The following LRRN3 variants were observed in gnomAD, a reference collection of about 807,000 sequenced individuals.
The protein encoded by LRRN3 is leucine rich repeat neuronal 3, also known as leucine-rich repeat neuronal protein 3.
In LRRN3, 15 loss-of-function variants were observed where a neutral mutation model predicts 40.1. The ratio of observed to expected loss-of-function variants is 0.37; its 90% CI spans 0.25 to 0.58. The LOEUF is 0.58. LRRN3 is among the 20% of genes least tolerant of loss of function. LRRN3 has a pLI of 0.72. For missense variants in LRRN3, 746 were observed against 837.7 expected (o/e 0.89, Z 1.35); for synonymous variants, 308 against 297.2 (o/e 1.04, Z -0.37).
chr7:111,105,274 G>T (rs933563663), intron 2 of LRRN3, among the ~76,000 whole-genome samples: 1 of 151,818 alleles, frequency 6.6e-6, no homozygotes, highest in African/African-American at 2.4e-5. Flanking sequence ...CCTTCATTTT[G>T]CAACAACCTT....
At chr7:111,116,971 G>A (rs907648934) in intron 2 of LRRN3, among the ~76,000 whole-genome samples, 8 of 152,112 alleles carry the variant, frequency 5.3e-5, no homozygotes, top group Non-Finnish European at 1.0e-4. Context: ...TGCTCTAATC[G>A]AGGCAATTTA....
intron 2 of LRRN3, among the ~76,000 whole-genome samples, chr7:111,106,623 G>A (rs927204169): frequency 8.0e-5 from 12 of 150,086 alleles, no homozygotes; most frequent in African/African-American, 2.2e-4. Context: ...AAGTATGGCT[G>A]CTAAGAGATG....
rs750950439 is a variant in LRRN3 at position 111,124,978 on chromosome 7, AAAAC to A, written c.*95_*98del. The A allele has an allele frequency of 2.3e-4, 231 of 1,026,568 alleles. No homozygotes were observed. Among genetic ancestry groups the A allele is most frequent in the African/African-American group, 3.6e-4 (22 of 61,068 alleles). 63.6% of individuals were successfully genotyped at this position (1,026,568 alleles called of 1,614,324 possible). Reference sequence around the variant, plus strand: ...ACTGCAGTTGTGCTAAAAACAAAACAAAACAAACAAACAAACAAAAAAGTAAAAA... The same window carrying A: ...ACTGCAGTTGTGCTAAAAACAAAACAAAACAAACAAACAAAAAAGTAAAAA... On this transcript the variant is annotated 3_prime_UTR_variant, in exon 3 of 3. Coordinates refer to ENST00000308478, the MANE Select transcript of LRRN3 (RefSeq NM_001099658.2).
chr7:111,092,280 T>C (rs1278768991), intron 1 of LRRN3, among the ~76,000 whole-genome samples: 3 of 152,338 alleles, frequency 2.0e-5, no homozygotes, highest in South Asian at 2.1e-4. Flanking sequence ...TAATCTTTGG[T>C]AATTAACAGG....
At chr7:111,094,425 A>T (rs2129578381) in intron 1 of LRRN3, among the ~76,000 whole-genome samples, 1 of 152,254 alleles carries the variant, frequency 6.6e-6, no homozygotes, top group South Asian at 2.1e-4. Context: ...GATTTAAAAT[A>T]ATGTGGCTCC....
At chr7:111,116,192 G>A (rs1412292478) in intron 2 of LRRN3, among the ~76,000 whole-genome samples, 1 of 152,138 alleles carries the variant, frequency 6.6e-6, no homozygotes, top group Non-Finnish European at 1.5e-5. Context: ...ACTCATCTGA[G>A]CCCTATATCC....
intron 2 of LRRN3, among the ~76,000 whole-genome samples, chr7:111,100,522 G>A (rs1797860098): frequency 6.7e-6 from 1 of 148,784 alleles, no homozygotes; most frequent in Non-Finnish European, 1.5e-5. Flanking sequence ...TTACCACATG[G>A]TACAACCTGA....
chr7:111,123,799 A>T lies in LRRN3; in HGVS notation c.1027A>T (p.Ser343Cys), dbSNP rs1291784279. 8 of 1,614,052 alleles carry T rather than the reference A, an allele frequency of 5.0e-6. No homozygotes were observed. The highest frequency in any genetic ancestry group is 6.8e-6 in the Non-Finnish European group (8 of 1,179,990). Reference protein sequence around the residue: ...LPKLESLMLNSNALSALYHGT... With the variant: ...LPKLESLMLNCNALSALYHGT... ...CAAGCTGGAATCACTCATGCTGAAC[A>T]GCAATGCTCTCAGTGCCCTGTACCA... Residue 343 changes from serine to cysteine, a missense_variant, in exon 3 of 3, where the codon AGC becomes TGC. By Grantham distance (112) the Ser-to-Cys change is moderately radical (BLOSUM62 -1). Transcript: ENST00000308478. The surrounding 1 kb of genome is among the most constrained non-coding windows in gnomAD (Gnocchi z 6.4).
At chr7:111,097,286 C>A (rs899206646) in intron 1 of LRRN3, 1 of 151,958 alleles carries the variant, frequency 6.6e-6, no homozygotes, top group Non-Finnish European at 1.5e-5. Context: ...ATTAAGCCCC[C>A]TAACGTGAAG....
chr7:111,120,234 G>A (rs1484674650), intron 2 of LRRN3, among the ~76,000 whole-genome samples: 1 of 152,066 alleles, frequency 6.6e-6, no homozygotes, highest in Non-Finnish European at 1.5e-5. Context: ...TGCTAATAGA[G>A]ACATATCCAA....
chr7:111,121,709 A>G (rs1169830434), intron 2 of LRRN3, among the ~76,000 whole-genome samples: 1 of 152,144 alleles, frequency 6.6e-6, no homozygotes, highest in Non-Finnish European at 1.5e-5. Flanking sequence ...ATACCATTTG[A>G]CCCAGCCAAC....
intron 2 of LRRN3, among the ~76,000 whole-genome samples, chr7:111,120,500 G>C (rs952258555): frequency 1.3e-5 from 2 of 152,070 alleles, no homozygotes; most frequent in African/African-American, 4.8e-5. Context: ...CAACACATGG[G>C]AATTATCGGA....
intron 1 of LRRN3, among the ~76,000 whole-genome samples, chr7:111,099,117 TATC>T (rs1228198791): frequency 6.6e-6 from 1 of 151,714 alleles, no homozygotes; most frequent in Admixed American, 6.6e-5. Flanking sequence ...TAACTTCCTC[TATC>T]ATCATTTTTC....
At chr7:111,109,635 T>C (rs1798958700) in intron 2 of LRRN3, among the ~76,000 whole-genome samples, 1 of 152,168 alleles carries the variant, frequency 6.6e-6, no homozygotes, top group African/African-American at 2.4e-5. Context: ...CACCACCTCA[T>C]GAAATCTCTC....
At chr7:111,108,012 G>A (rs1346285333) in intron 2 of LRRN3, among the ~76,000 whole-genome samples, 2 of 152,050 alleles carry the variant, frequency 1.3e-5, no homozygotes, top group Non-Finnish European at 2.9e-5. Context: ...TCTTAACCGA[G>A]TATATATGGC....
At chr7:111,113,199 G>T (rs986576928) in intron 2 of LRRN3, among the ~76,000 whole-genome samples, 2 of 152,034 alleles carry the variant, frequency 1.3e-5, no homozygotes, top group African/African-American at 4.8e-5. Flanking sequence ...TTGGACTCTT[G>T]TCCACAGGCT....
At chr7:111,109,653 T>G (rs1218234644) in intron 2 of LRRN3, among the ~76,000 whole-genome samples, 1 of 152,208 alleles carries the variant, frequency 6.6e-6, no homozygotes, top group African/African-American at 2.4e-5. Context: ...CTCTGAGTTA[T>G]CACCTGTAAA....
chr7:111,101,560 T>C (rs897285003), intron 2 of LRRN3, among the ~76,000 whole-genome samples: 1 of 151,472 alleles, frequency 6.6e-6, no homozygotes, highest in African/African-American at 2.4e-5. Flanking sequence ...AAAAAATTAC[T>C]TGAGACAATC....
At chr7:111,097,403 G>C (rs1797514997) in intron 1 of LRRN3, 3 of 151,762 alleles carry the variant, frequency 2.0e-5, no homozygotes, top group African/African-American at 7.3e-5. Flanking sequence ...GTTTGATTTG[G>C]ACTTATAACT....
Sources: allele counts gnomAD v4.1 joint callset (sites outside exome capture counted in the v4.1 genomes callset), GRCh38; gene constraint gnomAD v4.1.1; non-coding constraint Gnocchi (gnomAD v3.1); transcripts MANE v1.5; gene names NCBI Gene and HGNC (gene_info 2026-07-23, HGNC 2026-07-21).